Variants in ODAD2 observed in about 807,000 individuals in gnomAD.
ODAD2 encodes outer dynein arm docking complex subunit 2.
Under a neutral mutation model 106.8 loss-of-function variants are expected in ODAD2, and 89 were observed. That is an observed-to-expected ratio of 0.83 (90% CI 0.70 to 0.99). The LOEUF (loss-of-function observed/expected upper bound fraction) is 0.99. ODAD2 is among the 50% of genes least tolerant of loss of function. The probability of loss-of-function intolerance (pLI) is 0.00; values close to 1 mark genes in which losing one functional copy is unlikely to be tolerated. For synonymous variants in ODAD2, 404 were observed against 436.2 expected (o/e 0.93, Z 0.92); for missense variants, 1,168 against 1,238.5 (o/e 0.94, Z 0.85).
At chr10:27,818,762 T>C (rs1373056791) in intron 19 of ODAD2, among the ~76,000 whole-genome samples, 2 of 152,212 alleles carry the variant, frequency 1.3e-5, no homozygotes, top group Admixed American at 6.5e-5. Flanking sequence ...CCGCTCATAG[T>C]TCTGGTCATT....
chr10:27,882,896 T>C (rs568222423), intron 17 of ODAD2, among the ~76,000 whole-genome samples: 5 of 152,018 alleles, frequency 3.3e-5, no homozygotes, highest in African/African-American at 1.2e-4. Flanking sequence ...CCCTAGAGTG[T>C]TTGTTATACA....
chr10:27,977,766 T>C (rs1246296541), intron 7 of ODAD2, among the ~76,000 whole-genome samples: 1 of 152,020 alleles, frequency 6.6e-6, no homozygotes, highest in Non-Finnish European at 1.5e-5. Context: ...ATAGGATATG[T>C]GAATGGCCAA....
At chr10:27,978,341 C>T (rs964792370) in intron 7 of ODAD2, among the ~76,000 whole-genome samples, 3 of 152,146 alleles carry the variant, frequency 2.0e-5, no homozygotes, top group Admixed American at 6.5e-5. Flanking sequence ...AAACATAAGC[C>T]TTTGAAATGC....
intron 17 of ODAD2, among the ~76,000 whole-genome samples, chr10:27,885,795 T>TATATAAAATATATATTATATATA (rs1842157706): frequency 1.6e-5 from 1 of 62,048 alleles, no homozygotes; most frequent in Non-Finnish European, 2.8e-5. Flanking sequence ...TTATATATAA[T>TATATAAAATATATATTATATATA]ATATATAAAA....
At chr10:27,936,296 C>T (rs1242401407) in intron 15 of ODAD2, among the ~76,000 whole-genome samples, 1 of 152,212 alleles carries the variant, frequency 6.6e-6, no homozygotes, top group East Asian at 1.9e-4. Flanking sequence ...AAAATGACCA[C>T]TCTTTAAAGA....
intron 16 of ODAD2, among the ~76,000 whole-genome samples, chr10:27,934,783 G>A (rs763310105): frequency 7.9e-5 from 12 of 152,088 alleles, no homozygotes; most frequent in Non-Finnish European, 1.6e-4. Flanking sequence ...ATTGATTACC[G>A]TGTATTGTAA....
At chr10:27,984,023 G>C in intron 5 of ODAD2, 44 bp from the exon 6 acceptor site, 2 of 1,588,954 alleles carry the variant, frequency 1.3e-6, no homozygotes, top group Admixed American at 1.9e-5. Context: ...CCTTAACCTA[G>C]AGTTTGGTAA....
At chr10:27,867,072 T>C (rs1463884994) in intron 17 of ODAD2, among the ~76,000 whole-genome samples, 1 of 151,866 alleles carries the variant, frequency 6.6e-6, no homozygotes, top group Non-Finnish European at 1.5e-5. Flanking sequence ...ACAGTGCAGA[T>C]AGTAGAGCAA....
intron 16 of ODAD2, among the ~76,000 whole-genome samples, chr10:27,913,019 T>C (rs950495274): frequency 2.0e-5 from 3 of 152,182 alleles, no homozygotes; most frequent in African/African-American, 7.2e-5. Context: ...CTTTAGCCTT[T>C]GGAAAGCAGG....
At chr10:27,956,180 C>T (rs1241667708) in intron 10 of ODAD2, among the ~76,000 whole-genome samples, 6 of 152,170 alleles carry the variant, frequency 3.9e-5, no homozygotes, top group Admixed American at 1.3e-4. Flanking sequence ...AATGGCCATC[C>T]TTTCTACCAA....
chr10:27,861,438 G>A (rs1431081237), intron 18 of ODAD2, among the ~76,000 whole-genome samples: 1 of 152,188 alleles, frequency 6.6e-6, no homozygotes, highest in Non-Finnish European at 1.5e-5. Context: ...TCTTTAGAGT[G>A]AGTCTACTAC....
intron 19 of ODAD2, among the ~76,000 whole-genome samples, chr10:27,837,795 G>A (rs1029614370): frequency 2.4e-4 from 37 of 152,172 alleles, no homozygotes; most frequent in African/African-American, 8.2e-4. Flanking sequence ...GCATCCGCAA[G>A]CCCTGACTTG....
intron 19 of ODAD2, among the ~76,000 whole-genome samples, chr10:27,848,230 A>C (rs1045662201): frequency 4.6e-5 from 7 of 152,204 alleles, no homozygotes; most frequent in African/African-American, 1.7e-4. Context: ...AGAGATATAG[A>C]CAAATGAAAG....
intron 17 of ODAD2, among the ~76,000 whole-genome samples, chr10:27,868,773 A>G (rs928572070): frequency 7.9e-5 from 12 of 152,158 alleles, no homozygotes; most frequent in African/African-American, 2.2e-4. Context: ...GCAAACCACC[A>G]TGGCACACAT....
At chr10:27,984,073 T>A in intron 5 of ODAD2, 94 bp from the exon 6 acceptor site, 1 of 1,529,042 alleles carries the variant, frequency 6.5e-7, no homozygotes, top group Non-Finnish European at 8.9e-7. Flanking sequence ...GTGGAAATTT[T>A]AAGCTTTCCC....
intron 16 of ODAD2, among the ~76,000 whole-genome samples, chr10:27,924,162 T>TA (rs1192667656): frequency 6.6e-6 from 1 of 151,850 alleles, no homozygotes; most frequent in East Asian, 1.9e-4. Context: ...ACAGTTGAAA[T>TA]AAAAAAGTCA....
chr10:27,974,359 G>C (rs1849050746), intron 7 of ODAD2, among the ~76,000 whole-genome samples: 1 of 152,038 alleles, frequency 6.6e-6, no homozygotes, highest in South Asian at 2.1e-4. Context: ...TTATAGTTTT[G>C]AGTTTTACAT....
At chr10:27,904,080 T>C (rs1251848918) in intron 17 of ODAD2, 1 of 157,238 alleles carries the variant, frequency 6.4e-6, no homozygotes. Context: ...CTGACCACTA[T>C]GTTGACTACT....
intron 19 of ODAD2, among the ~76,000 whole-genome samples, chr10:27,831,740 G>A (rs987942185): frequency 2.0e-5 from 3 of 152,232 alleles, no homozygotes; most frequent in African/African-American, 7.2e-5. Context: ...AGGCATAGCT[G>A]GTCCTCTCTG....
Sources: allele counts gnomAD v4.1 joint callset (sites outside exome capture counted in the v4.1 genomes callset), GRCh38; gene constraint gnomAD v4.1.1; transcripts MANE v1.5; gene names NCBI Gene and HGNC (gene_info 2026-07-23, HGNC 2026-07-21).